Variants in ZC2HC1A observed in about 807,000 individuals in gnomAD.
The protein encoded by ZC2HC1A is zinc finger C2HC domain-containing protein 1A.
In ZC2HC1A, 28 loss-of-function variants were observed where a neutral mutation model predicts 40.7. The observed-to-expected ratio is 0.69, with a 90% CI of 0.51 to 0.94. ZC2HC1A has a LOEUF of 0.94. Ranked by LOEUF, ZC2HC1A falls within the 40% of genes least tolerant of loss-of-function variation. The pLI is 0.00. For synonymous variants in ZC2HC1A, 129 were observed against 129.2 expected, an observed-to-expected ratio of 1.00 and a Z score of 0.01; for missense variants, 389 against 386.3, an observed-to-expected ratio of 1.01 and a Z score of -0.06.
At chr8:78,706,922 T>A (rs1810791881) in intron 7 of ZC2HC1A, among the ~76,000 whole-genome samples, 1 of 152,182 alleles carries the variant, frequency 6.6e-6, no homozygotes, top group Non-Finnish European at 1.5e-5. Context: ...TTAAGTGATT[T>A]TTCTTATTGT....
intron 1 of ZC2HC1A, among the ~76,000 whole-genome samples, chr8:78,674,529 C>T (rs1395846771): frequency 6.6e-6 from 1 of 152,074 alleles, no homozygotes; most frequent in Non-Finnish European, 1.5e-5. Context: ...TGAGATTGCC[C>T]TCCCTAAATA....
At chr8:78,682,541 A>C (rs946785958) in intron 3 of ZC2HC1A, among the ~76,000 whole-genome samples, 30 of 152,234 alleles carry the variant, frequency 2.0e-4, no homozygotes, top group African/African-American at 6.7e-4. Context: ...ACAACACAGG[A>C]AAAACCTGCC....
chr8:78,666,236 T>C (rs1809293000), intron 1 of ZC2HC1A, 72 bp downstream of exon 1: 3 of 1,547,804 alleles, frequency 1.9e-6, no homozygotes, highest in Non-Finnish European at 2.6e-6. Context: ...TGGACACCAG[T>C]AGCAGGAAGG....
chr8:78,708,397 G>T (rs1810846506), intron 7 of ZC2HC1A, among the ~76,000 whole-genome samples: 1 of 151,954 alleles, frequency 6.6e-6, no homozygotes, highest in Admixed American at 6.6e-5. Context: ...TGTGGATTAG[G>T]CCAGGTGCAG....
intron 7 of ZC2HC1A, among the ~76,000 whole-genome samples, chr8:78,706,270 C>T (rs1810768469): frequency 6.6e-6 from 1 of 152,182 alleles, no homozygotes; most frequent in African/African-American, 2.4e-5. Flanking sequence ...ACTGTCTCTA[C>T]TTGGTCCTCT....
intron 2 of ZC2HC1A, among the ~76,000 whole-genome samples, chr8:78,678,261 T>C (rs1809646216): frequency 6.6e-6 from 1 of 152,154 alleles, no homozygotes; most frequent in Non-Finnish European, 1.5e-5. Flanking sequence ...TTGTTCTCTT[T>C]CACACACTTC....
intron 4 of ZC2HC1A, among the ~76,000 whole-genome samples, chr8:78,688,249 A>G (rs1174308976): frequency 2.0e-5 from 3 of 152,030 alleles, no homozygotes; most frequent in Admixed American, 6.6e-5. Flanking sequence ...TCTTAACTCT[A>G]CATAGCTACA....
intron 7 of ZC2HC1A, among the ~76,000 whole-genome samples, chr8:78,702,759 T>C (rs1417381693): frequency 6.6e-6 from 1 of 152,178 alleles, no homozygotes; most frequent in Non-Finnish European, 1.5e-5. Context: ...TTATATGTAG[T>C]TGTAGGGTTT....
At chr8:78,669,549 G>T (rs530832928) in intron 1 of ZC2HC1A, among the ~76,000 whole-genome samples, 4 of 147,076 alleles carry the variant, frequency 2.7e-5, no homozygotes, top group African/African-American at 1.1e-4. Flanking sequence ...AGGTGAAAGA[G>T]ATTTGTCAGC....
At chr8:78,699,779 T>C (rs1161936194) in intron 7 of ZC2HC1A, among the ~76,000 whole-genome samples, 1 of 152,190 alleles carries the variant, frequency 6.6e-6, no homozygotes, top group African/African-American at 2.4e-5. Context: ...TCCATTCATG[T>C]CCCTCCTAAG....
At chr8:78,681,051 G>A (rs1563622864) in intron 3 of ZC2HC1A, among the ~76,000 whole-genome samples, 1 of 152,010 alleles carries the variant, frequency 6.6e-6, no homozygotes, top group African/African-American at 2.4e-5. Flanking sequence ...TGAAGATGAG[G>A]GGCCTAACAT....
intron 7 of ZC2HC1A, among the ~76,000 whole-genome samples, chr8:78,704,245 G>T (rs190756179): frequency 3.3e-5 from 5 of 151,900 alleles, no homozygotes; most frequent in Admixed American, 3.3e-4. Context: ...AAAATTAGCC[G>T]GGTGTGGTTG....
chr8:78,717,077 C>G (rs1463187787), intron 8 of ZC2HC1A, among the ~76,000 whole-genome samples: 2 of 151,928 alleles, frequency 1.3e-5, no homozygotes, highest in East Asian at 3.9e-4. Flanking sequence ...AATGTGAGAA[C>G]AGACTAACAC....
chr8:78,707,511 A>C (rs997532328), intron 7 of ZC2HC1A, among the ~76,000 whole-genome samples: 1 of 152,240 alleles, frequency 6.6e-6, no homozygotes, highest in African/African-American at 2.4e-5. Flanking sequence ...TCTGACCAAC[A>C]TACCTGGTTA....
chr8:78,696,963 AC>A (rs1018619909), intron 5 of ZC2HC1A, among the ~76,000 whole-genome samples: 7 of 152,012 alleles, frequency 4.6e-5, no homozygotes, highest in African/African-American at 1.5e-4. Context: ...TTTCCGTTAG[AC>A]CTTTTTTTCT....
chr8:78,708,366 G>A (rs1251809182), intron 7 of ZC2HC1A, among the ~76,000 whole-genome samples: 1 of 151,866 alleles, frequency 6.6e-6, no homozygotes, highest in Non-Finnish European at 1.5e-5. Flanking sequence ...CATATGTTTG[G>A]TTGTTTGCTT....
At chr8:78,678,419 G>T in intron 2 of ZC2HC1A, 144 bp from the exon 3 acceptor site, 1 of 643,292 alleles carries the variant, frequency 1.6e-6, no homozygotes, top group African/African-American at 1.8e-5. Flanking sequence ...GTTAAGGCAA[G>T]GTGTATCTTA....
chr8:78,703,123 C>T (rs1457948010), intron 7 of ZC2HC1A, among the ~76,000 whole-genome samples: 1 of 152,156 alleles, frequency 6.6e-6, no homozygotes, highest in Admixed American at 6.6e-5. Context: ...TCTCAAACCC[C>T]TAACCTCAGG....
rs1563642878 is a variant in ZC2HC1A at position 78,717,601 on chromosome 8, A to G, written c.*108A>G. On this transcript the variant is annotated 3_prime_UTR_variant, in exon 9 of 9. Transcript: ENST00000263849. ...AGTTTGTGCTAAAAATACTCGAAAT[A>G]CCATTTCCAGTTAATTTTGAAGTGT... The G allele has an allele frequency of 8.2e-6, 10 of 1,226,642 alleles. No individual in the cohort carries two copies. Among genetic ancestry groups the G allele is most frequent in the East Asian group, 4.8e-5 (2 of 41,946 alleles). The allele number at this position is 1,226,642 out of a possible 1,614,324, so 76.0% of individuals were successfully genotyped here.
Sources: gnomAD v4.1 joint callset for allele counts (sites outside exome capture counted in the v4.1 genomes callset) on GRCh38, gnomAD v4.1.1 for gene constraint, MANE v1.5 for transcripts, NCBI Gene and HGNC (gene_info 2026-07-23, HGNC 2026-07-21) for gene names.